FAM184A: variants seen among roughly 807,000 people sequenced by gnomAD.
FAM184A encodes the protein protein FAM184A.
FAM184A carries 99 observed loss-of-function variants against 143.8 expected under a neutral mutation model. The observed-to-expected ratio is 0.69, with a 90% CI of 0.58 to 0.81. FAM184A has a LOEUF of 0.81. Ranked by LOEUF, FAM184A falls within the 40% of genes least tolerant of loss-of-function variation. The pLI is 0.00. For missense variants in FAM184A, 1,217 were observed against 1,310.5 expected (o/e 0.93, Z 1.10); for synonymous variants, 427 against 446.4 (o/e 0.96, Z 0.55).
chr6:118,962,075 A>G (rs1200741120), intron 16 of FAM184A, 112 bp from the exon 17 acceptor site: 1 of 1,008,596 alleles, frequency 9.9e-7, no homozygotes, highest in Non-Finnish European at 1.5e-6. Context: ...GCTTTATGTT[A>G]AATTAAAATG....
intron 1 of FAM184A, among the ~76,000 whole-genome samples, chr6:119,077,533 T>A (rs1238983201): frequency 6.6e-6 from 1 of 152,202 alleles, no homozygotes; most frequent in African/African-American, 2.4e-5. Flanking sequence ...TAACTGCTCT[T>A]TGAAAATTAT....
rs749833051 is a variant in FAM184A, at chr6:118,975,955, T to C, written c.2545A>G (p.Met849Val). ...ATGTCTATGCTTCTCTCTAATTCCA[T>C]TTTAGCAGCTGCCAATTCTTGATGA... ...NHHQELAAAK[M>V]ELERSIDISR... Residue 849 changes from methionine (M) to valine (V), a missense_variant, in exon 12 of 18, where the codon ATG (methionine) becomes GTG (valine). Coordinates refer to ENST00000338891, the MANE Select transcript of FAM184A (RefSeq NM_024581.6). 6.8e-6 allele frequency: 11 copies of C among 1,613,256 alleles called. No individual in the cohort carries two copies. Among genetic ancestry groups the C allele is most frequent in the Middle Eastern group, 3.3e-4 (2 of 6,084 alleles).
intron 1 of FAM184A, among the ~76,000 whole-genome samples, chr6:119,139,526 C>T (rs977607871): frequency 1.3e-5 from 2 of 151,872 alleles, no homozygotes; most frequent in African/African-American, 4.8e-5. Context: ...TGTTTTACAG[C>T]AGAGACAGGA....
chr6:119,121,149 TG>T (rs994372433), intron 1 of FAM184A, among the ~76,000 whole-genome samples: 55 of 146,932 alleles, frequency 3.7e-4, no homozygotes, highest in African/African-American at 1.3e-3. Flanking sequence ...TCATTTGTTT[TG>T]AGACAGGGTC....
At chr6:119,008,407 T>G (rs1187886479) in intron 6 of FAM184A, among the ~76,000 whole-genome samples, 1 of 152,196 alleles carries the variant, frequency 6.6e-6, no homozygotes, top group Non-Finnish European at 1.5e-5. Context: ...AAAGGTTTTT[T>G]GCCAGCTCCA....
intron 1 of FAM184A, among the ~76,000 whole-genome samples, chr6:119,048,899 C>A (rs1357718477): frequency 1.3e-5 from 2 of 152,084 alleles, no homozygotes; most frequent in African/African-American, 4.8e-5. Context: ...CTCATGGATA[C>A]AAAGAATCAA....
At chr6:119,065,409 TCA>T (rs972104749) in intron 1 of FAM184A, among the ~76,000 whole-genome samples, 1 of 152,126 alleles carries the variant, frequency 6.6e-6, no homozygotes, top group African/African-American at 2.4e-5. Context: ...CCAGAACCAC[TCA>T]GTTAAGTGAC....
chr6:119,022,355 A>G (rs1785477700), intron 3 of FAM184A, among the ~76,000 whole-genome samples: 1 of 151,898 alleles, frequency 6.6e-6, no homozygotes, highest in African/African-American at 2.4e-5. Context: ...CACCATGCCC[A>G]GCCCGTTTTT....
chr6:119,034,967 C>A (rs569498838), intron 1 of FAM184A, among the ~76,000 whole-genome samples: 26 of 152,198 alleles, frequency 1.7e-4, no homozygotes, highest in African/African-American at 6.3e-4. Context: ...GTGTGGCAAG[C>A]CCTTTAGGAG....
chr6:119,037,466 T>G (rs1053370680), intron 1 of FAM184A, among the ~76,000 whole-genome samples: 1 of 152,134 alleles, frequency 6.6e-6, no homozygotes, highest in Non-Finnish European at 1.5e-5. Context: ...ACACCTGGCT[T>G]TGATAATAGT....
chr6:119,091,582 T>C (rs186551193), intron 1 of FAM184A, among the ~76,000 whole-genome samples: 122 of 152,304 alleles, frequency 8.0e-4, no homozygotes, highest in African/African-American at 2.9e-3. Context: ...CAAACTGATG[T>C]TATACAGGTA....
At chr6:119,030,754 G>A (rs1785836477) in intron 1 of FAM184A, among the ~76,000 whole-genome samples, 1 of 151,596 alleles carries the variant, frequency 6.6e-6, no homozygotes, top group Non-Finnish European at 1.5e-5. Flanking sequence ...CATAAAATTG[G>A]CTATTTTTTT....
intron 16 of FAM184A, chr6:118,963,446 G>A (rs2114532785): frequency 6.6e-6 from 1 of 152,036 alleles, no homozygotes; most frequent in Non-Finnish European, 1.5e-5. Context: ...TTTACTCAGA[G>A]CTTTCTATCT....
chr6:118,998,848 T>G (rs1390762105), intron 9 of FAM184A, among the ~76,000 whole-genome samples: 1 of 152,136 alleles, frequency 6.6e-6, no homozygotes, highest in Non-Finnish European at 1.5e-5. Flanking sequence ...ATGGCATGAG[T>G]GTGGACTGTA....
intron 9 of FAM184A, among the ~76,000 whole-genome samples, chr6:118,991,326 C>A (rs529605106): frequency 3.4e-4 from 51 of 151,932 alleles, no homozygotes; most frequent in African/African-American, 1.2e-3. Context: ...CCATGCCCAG[C>A]TAATTTTTTG....
chr6:118,980,664 A>G (rs543632161), intron 9 of FAM184A, among the ~76,000 whole-genome samples: 20 of 152,374 alleles, frequency 1.3e-4, no homozygotes, highest in African/African-American at 4.8e-4. Flanking sequence ...AATATGAAAT[A>G]AAAACAGAAG....
At position 119,050,740 on chromosome 6, in the gene FAM184A, G is replaced by A. The variant is rs1429224946; in HGVS notation, c.160-25927C>T. ...GAATGGCGTGAACCCGGGAAGCGGA[G>A]CTTGCAGTGAGCCGAGATTGCGCCA... On this transcript the variant is annotated intron_variant, in intron 1 of 17. Transcript: ENST00000338891. Among the ~76,000 whole-genome samples the A allele has an allele frequency of 2.6e-5, 4 of 152,000 alleles. No homozygotes were observed. The East Asian group carries it at 7.8e-4, about 30-fold the overall frequency.
intron 1 of FAM184A, among the ~76,000 whole-genome samples, chr6:119,126,902 C>T (rs1048694633): frequency 1.3e-5 from 2 of 152,208 alleles, no homozygotes; most frequent in Non-Finnish European, 2.9e-5. Context: ...TGAAGTCTGG[C>T]TGTCTCTGGC....
chr6:119,086,903 G>A (rs1000803545), intron 1 of FAM184A, among the ~76,000 whole-genome samples: 2 of 152,154 alleles, frequency 1.3e-5, no homozygotes, highest in African/African-American at 2.4e-5. Context: ...GGCAGTGAGA[G>A]TAGGAACAAA....
Sources: allele counts gnomAD v4.1 joint callset (sites outside exome capture counted in the v4.1 genomes callset), GRCh38; gene constraint gnomAD v4.1.1; transcripts MANE v1.5; gene names NCBI Gene and HGNC (gene_info 2026-07-23, HGNC 2026-07-21).